KIF6: variants seen among roughly 807,000 people sequenced by gnomAD.
KIF6 encodes kinesin family member 6.
KIF6 carries 106 observed loss-of-function variants against 112.7 expected under a neutral mutation model. The observed-to-expected ratio is 0.94, with a 90% CI of 0.80 to 1.11. KIF6 has a LOEUF of 1.11. Ranked by LOEUF, KIF6 falls within the 50% of genes least tolerant of loss-of-function variation. The pLI is 0.00. For missense variants in KIF6, 929 were observed against 964.0 expected (o/e 0.96, Z 0.48); for synonymous variants, 339 against 339.9 (o/e 1.00, Z 0.03).
chr6:39,637,012 C>G (rs991683161), intron 4 of KIF6, among the ~76,000 whole-genome samples: 1 of 152,024 alleles, frequency 6.6e-6, no homozygotes. Flanking sequence ...CAGATATCAA[C>G]TAATCATTGT....
chr6:39,712,891 T>C (rs1330871306), intron 3 of KIF6, among the ~76,000 whole-genome samples: 2 of 152,186 alleles, frequency 1.3e-5, no homozygotes, highest in African/African-American at 2.4e-5. Context: ...ACATGGCACG[T>C]GTATACCTAT....
chr6:39,702,639 C>T (rs920508839), intron 3 of KIF6, among the ~76,000 whole-genome samples: 4 of 152,134 alleles, frequency 2.6e-5, no homozygotes, highest in South Asian at 2.1e-4. Context: ...TGGGCTCAAA[C>T]GATCCTCCCA....
intron 1 of KIF6, among the ~76,000 whole-genome samples, chr6:39,724,082 G>A (rs1262389313): frequency 1.3e-5 from 2 of 152,164 alleles, no homozygotes; most frequent in Non-Finnish European, 2.9e-5. Context: ...CCTGTCAGGT[G>A]GCCATTTCTC....
chr6:39,717,212 T>C (rs1315355821), intron 2 of KIF6, among the ~76,000 whole-genome samples: 1 of 151,668 alleles, frequency 6.6e-6, no homozygotes, highest in Admixed American at 6.6e-5. Flanking sequence ...TATAAGGCTC[T>C]AAGTGATCTG....
Position 39,613,198 on chromosome 6 carries a change from C to A in KIF6, c.630G>T (p.Met210Ile), listed in dbSNP as rs1783314951. Reference protein sequence around the residue: ...NLLFLGDTNRMIAETPMNQAS... With the variant: ...NLLFLGDTNRIIAETPMNQAS... Reference sequence around the variant, plus strand: ...GAGAGAAGTTTATTACCTCTGCAATCATTCGGTTGGTGTCTCCTAAAAAAA... The same window carrying A: ...GAGAGAAGTTTATTACCTCTGCAATAATTCGGTTGGTGTCTCCTAAAAAAA... The change falls in exon 6 of 23, where the codon ATG (methionine) becomes ATT (isoleucine). Residue 210 changes from methionine (M) to isoleucine (I), a missense_variant. By Grantham distance (10) the Met-to-Ile change is conservative. Around this residue, in one of 2 missense-constraint regions of KIF6, gnomAD observed 688 missense variants for 662.7 expected, o/e 1.04. Coordinates refer to ENST00000287152, the MANE Select transcript of KIF6 (RefSeq NM_145027.6). The A allele has an allele frequency of 3.8e-6, 6 of 1,592,682 alleles. No homozygotes were observed. Among genetic ancestry groups the A allele is most frequent in the South Asian group, 1.1e-5 (1 of 87,280 alleles).
chr6:39,633,638 G>A (rs973232216), intron 5 of KIF6, among the ~76,000 whole-genome samples: 12 of 152,174 alleles, frequency 7.9e-5, no homozygotes, highest in Admixed American at 6.6e-5. Context: ...GAGAGCAAGC[G>A]CAATGCCTTA....
chr6:39,672,022 C>G (rs1297754689), intron 3 of KIF6, among the ~76,000 whole-genome samples: 1 of 152,224 alleles, frequency 6.6e-6, no homozygotes, highest in Non-Finnish European at 1.5e-5. Flanking sequence ...GTACCCTAAG[C>G]TGTTGCCAAC....
At chr6:39,605,027 T>C (rs1782808052) in intron 6 of KIF6, among the ~76,000 whole-genome samples, 1 of 152,124 alleles carries the variant, frequency 6.6e-6, no homozygotes, top group South Asian at 2.1e-4. Context: ...GTGGTACATA[T>C]GGGAAACTGA....
At chr6:39,472,568 C>T (rs1774177539) in intron 13 of KIF6, among the ~76,000 whole-genome samples, 1 of 152,148 alleles carries the variant, frequency 6.6e-6, no homozygotes, top group South Asian at 2.1e-4. Context: ...AAAACCAAAA[C>T]CAAAACCAAC....
chr6:39,623,195 T>C (rs908808847), intron 5 of KIF6, among the ~76,000 whole-genome samples: 2 of 152,234 alleles, frequency 1.3e-5, no homozygotes, highest in Non-Finnish European at 2.9e-5. Context: ...GATTTCATTA[T>C]TAGAACTTTT....
At chr6:39,373,299 C>A (rs1212684481) in intron 16 of KIF6, among the ~76,000 whole-genome samples, 2 of 152,086 alleles carry the variant, frequency 1.3e-5, no homozygotes, top group African/African-American at 4.8e-5. Context: ...CGTTTTTTTG[C>A]AAGAAAGAGT....
chr6:39,680,306 G>A (rs1787440522), intron 3 of KIF6, among the ~76,000 whole-genome samples: 1 of 152,170 alleles, frequency 6.6e-6, no homozygotes, highest in Non-Finnish European at 1.5e-5. Flanking sequence ...CCATGCCCGG[G>A]TGTATAATTA....
At chr6:39,550,647 C>T (rs1207578723) in intron 10 of KIF6, among the ~76,000 whole-genome samples, 1 of 152,186 alleles carries the variant, frequency 6.6e-6, no homozygotes. Flanking sequence ...GCTCAACTGT[C>T]TCCTCACTGG....
chr6:39,425,997 G>T (rs1488253968), intron 14 of KIF6, among the ~76,000 whole-genome samples: 1 of 152,056 alleles, frequency 6.6e-6, no homozygotes, highest in Non-Finnish European at 1.5e-5. Context: ...GCTTTGCTTT[G>T]TTTAGTTTAC....
chr6:39,697,117 G>C lies in KIF6; in HGVS notation c.251+17575C>G, dbSNP rs191027298. Among the ~76,000 whole-genome samples the C allele has an allele frequency of 3.1e-3, 478 of 152,236 alleles. 1 individual carries two copies. The highest frequency in any genetic ancestry group is 0.011 in the African/African-American group (460 of 41,556). On this transcript the variant is annotated intron_variant, in intron 3 of 22. Transcript: ENST00000287152. ...CCCAAAGCGGAGGTTTATCTGCCAAGTTTGTTTTCTTATCTCTCTTCTCTG... is the reference window on the plus strand; with the variant it reads ...CCCAAAGCGGAGGTTTATCTGCCAACTTTGTTTTCTTATCTCTCTTCTCTG...
intron 13 of KIF6, among the ~76,000 whole-genome samples, chr6:39,522,371 C>T (rs1036011574): frequency 6.6e-6 from 1 of 152,166 alleles, no homozygotes; most frequent in Non-Finnish European, 1.5e-5. Flanking sequence ...TCCAGTACCC[C>T]CAGCCAACCT....
intron 10 of KIF6, among the ~76,000 whole-genome samples, chr6:39,571,864 A>G (rs1478903323): frequency 2.0e-5 from 3 of 151,200 alleles, no homozygotes; most frequent in African/African-American, 4.9e-5. Context: ...TATTCTCTAC[A>G]CTCCTTACCC....
chr6:39,623,334 T>G (rs1293288195), intron 5 of KIF6, among the ~76,000 whole-genome samples: 49 of 152,202 alleles, frequency 3.2e-4, no homozygotes. Flanking sequence ...AAAGCCTCTG[T>G]GATTTTGTTT....
intron 7 of KIF6, among the ~76,000 whole-genome samples, chr6:39,591,600 A>T (rs1047443384): frequency 3.3e-5 from 5 of 152,226 alleles, no homozygotes; most frequent in African/African-American, 1.2e-4. Context: ...TCTTTAGAAG[A>T]GGACCGTGAG....
Sources: allele counts gnomAD v4.1 joint callset (sites outside exome capture counted in the v4.1 genomes callset), GRCh38; gene constraint gnomAD v4.1.1; regional missense constraint gnomAD v4.1.1; transcripts MANE v1.5; gene names NCBI Gene and HGNC (gene_info 2026-07-23, HGNC 2026-07-21).